EXOC4: variants seen among roughly 807,000 people sequenced by gnomAD.
EXOC4 encodes exocyst complex component 4, also known as SEC8-like 1.
A neutral mutation model predicts 107.2 loss-of-function variants in EXOC4; 71 were observed. The ratio of observed to expected loss-of-function variants is 0.66; its 90% confidence interval spans 0.55 to 0.81. EXOC4 has a LOEUF of 0.81. Ranked by LOEUF, EXOC4 falls within the 30% of genes least tolerant of loss-of-function variation. The pLI, the probability that EXOC4 is intolerant of heterozygous loss-of-function variation, is 0.00. For synonymous variants in EXOC4, 456 were observed against 441.2 expected (o/e 1.03, Z -0.42); for missense variants, 1,108 against 1,189.6 (o/e 0.93, Z 1.01).
intron 9 of EXOC4, among the ~76,000 whole-genome samples, chr7:133,585,636 A>G (rs1186550327): frequency 1.3e-5 from 2 of 152,102 alleles, no homozygotes; most frequent in East Asian, 3.9e-4. Context: ...AGAAAAAAAA[A>G]AAAGTAGCTG....
intron 2 of EXOC4, 54 bp from the exon 3 acceptor site, chr7:133,288,868 G>A: frequency 2.7e-6 from 4 of 1,503,616 alleles, no homozygotes; most frequent in Non-Finnish European, 3.7e-6. Flanking sequence ...CAGATTATAG[G>A]TTTAGACTGG....
At chr7:134,047,604 C>T (rs1284081969) in intron 17 of EXOC4, among the ~76,000 whole-genome samples, 1 of 152,166 alleles carries the variant, frequency 6.6e-6, no homozygotes, top group Non-Finnish European at 1.5e-5. Context: ...TTCCCAGTGT[C>T]CCCAGCAAAT....
intron 11 of EXOC4, among the ~76,000 whole-genome samples, chr7:133,843,280 A>G (rs1585191922): frequency 6.6e-6 from 1 of 151,932 alleles, no homozygotes. Flanking sequence ...TTTCAACAAT[A>G]TTGTTTTTTC....
At chr7:133,871,917 C>T (rs943253239) in intron 11 of EXOC4, among the ~76,000 whole-genome samples, 5 of 152,170 alleles carry the variant, frequency 3.3e-5, no homozygotes, top group Non-Finnish European at 7.3e-5. Context: ...TTATAGTAAG[C>T]AATATGTACA....
chr7:133,435,367 T>C (rs1413946892), intron 7 of EXOC4, among the ~76,000 whole-genome samples: 2 of 152,160 alleles, frequency 1.3e-5, no homozygotes, highest in African/African-American at 4.8e-5. Context: ...TAGGTTATCA[T>C]GTCTAGCTAT....
At chr7:133,725,341 A>G (rs931640694) in intron 10 of EXOC4, among the ~76,000 whole-genome samples, 1 of 152,166 alleles carries the variant, frequency 6.6e-6, no homozygotes, top group Non-Finnish European at 1.5e-5. Context: ...ATAAAGGGCT[A>G]GCTAGTAACT....
intron 10 of EXOC4, among the ~76,000 whole-genome samples, chr7:133,717,836 T>G (rs1344290300): frequency 6.6e-6 from 1 of 152,184 alleles, no homozygotes; most frequent in Non-Finnish European, 1.5e-5. Context: ...AAAGTTGCCT[T>G]AACTAAAGAT....
At chr7:133,657,152 T>C (rs1803319442) in intron 10 of EXOC4, among the ~76,000 whole-genome samples, 2 of 152,168 alleles carry the variant, frequency 1.3e-5, no homozygotes, top group South Asian at 4.1e-4. Context: ...GGGTTTCATA[T>C]TAAATTAATG....
Position 133,991,864 on chromosome 7 carries a change from T to C in EXOC4, c.2207-5628T>C, listed in dbSNP as rs185156816. On this transcript the variant is annotated intron_variant, in intron 14 of 17. Transcript: ENST00000253861. ...TGTTTGGGTTACCATAGCTTTGTAG[T>C]ACAATTTGAAATCAAAGTAGTGTGA... Among the ~76,000 whole-genome samples the C allele has an allele frequency of 2.0e-5, 3 of 152,330 alleles. No homozygotes were observed. The East Asian group carries it at 5.8e-4, about 29-fold the overall frequency.
intron 9 of EXOC4, among the ~76,000 whole-genome samples, chr7:133,492,842 A>G (rs1467272782): frequency 6.6e-6 from 1 of 152,064 alleles, no homozygotes; most frequent in African/African-American, 2.4e-5. Flanking sequence ...CAGTTGTAAA[A>G]GGAAGAAGGT....
intron 2 of EXOC4, among the ~76,000 whole-genome samples, chr7:133,281,375 A>G (rs879242860): frequency 6.7e-6 from 1 of 150,214 alleles, no homozygotes; most frequent in Admixed American, 6.6e-5. Context: ...AAAAAAAAAG[A>G]CTCCATGGAA....
chr7:133,466,302 A>G (rs1327823682), intron 7 of EXOC4, among the ~76,000 whole-genome samples: 1 of 152,174 alleles, frequency 6.6e-6, no homozygotes, highest in African/African-American at 2.4e-5. Context: ...ATCTTTAAGT[A>G]GACCAACCAA....
At chr7:133,773,034 C>T (rs2345950) in intron 10 of EXOC4, among the ~76,000 whole-genome samples, 149,990 of 152,092 alleles carry the variant, frequency 0.99, 74,007 homozygotes, top group Middle Eastern at 1. Context: ...AGCAACCTTA[C>T]GTTGCCTTCT....
chr7:133,860,075 T>C (rs1217057702), intron 11 of EXOC4, among the ~76,000 whole-genome samples: 1 of 152,210 alleles, frequency 6.6e-6, no homozygotes, highest in African/African-American at 2.4e-5. Context: ...TTTCCTACTA[T>C]TCAACCTATG....
At chr7:133,523,370 G>A (rs1001948872) in intron 9 of EXOC4, among the ~76,000 whole-genome samples, 1 of 151,782 alleles carries the variant, frequency 6.6e-6, no homozygotes, top group African/African-American at 2.4e-5. Context: ...TTTTTCCAAA[G>A]TATGTTCACA....
chr7:133,320,222 A>T (rs1795081633), intron 5 of EXOC4, among the ~76,000 whole-genome samples: 1 of 152,194 alleles, frequency 6.6e-6, no homozygotes, highest in Admixed American at 6.5e-5. Flanking sequence ...CTTAAACAAC[A>T]TAAATTTATT....
At position 134,051,248 on chromosome 7, in the gene EXOC4, T is replaced by TTC. The variant is rs367796282; in HGVS notation, c.2688-13042_2688-13041dup. On this transcript the variant is annotated intron_variant, in intron 17 of 17. Transcript: ENST00000253861. ...ATTATATATATGCACAGATAAGACT[T>TTC]TCAGAAGCAGAGAGAGAAGAATGGA... is the stretch of plus-strand genomic sequence containing the variant. 4.6e-5 allele frequency among the ~76,000 whole-genome samples: 7 copies of TTC among 152,240 alleles called. No individual in the cohort carries two copies. The East Asian group carries it at 1.4e-3, about 30-fold the overall frequency.
chr7:133,526,235 C>A (rs1166400722), intron 9 of EXOC4, among the ~76,000 whole-genome samples: 2 of 152,128 alleles, frequency 1.3e-5, no homozygotes, highest in African/African-American at 4.8e-5. Context: ...ATGGTATAAA[C>A]CAAAGGATAA....
At chr7:133,831,633 T>C (rs1218901847) in intron 11 of EXOC4, among the ~76,000 whole-genome samples, 2 of 151,908 alleles carry the variant, frequency 1.3e-5, no homozygotes, top group African/African-American at 4.8e-5. Context: ...GTATATTGCC[T>C]GCCCCAGCCC....
Sources: gnomAD v4.1 joint callset for allele counts (sites outside exome capture counted in the v4.1 genomes callset) on GRCh38, gnomAD v4.1.1 for gene constraint, MANE v1.5 for transcripts, NCBI Gene and HGNC (gene_info 2026-07-23, HGNC 2026-07-21) for gene names.